The following XRCC1 variants were observed in gnomAD, a reference collection of about 807,000 sequenced individuals.
XRCC1 encodes the protein DNA repair protein XRCC1.
A neutral mutation model predicts 83.3 loss-of-function variants in XRCC1; 52 were observed. The observed-to-expected ratio is 0.62, with a 90% CI of 0.50 to 0.79. The LOEUF is 0.79. Among genes scored for constraint, XRCC1 ranks in the 30% least tolerant of loss-of-function variants. XRCC1 has a pLI of 0.00. For missense variants in XRCC1, 793 were observed against 823.5 expected (o/e 0.96, Z 0.45); for synonymous variants, 281 against 312.6 (o/e 0.90, Z 1.07).
chr19:43,548,312 G>A (rs1331145039), intron 10 of XRCC1, among the ~76,000 whole-genome samples: 1 of 152,174 alleles, frequency 6.6e-6, no homozygotes, highest in Non-Finnish European at 1.5e-5. Flanking sequence ...TGATGACGAT[G>A]GCGGTTTTGT....
Position 43,544,153 on chromosome 19 carries a change from G to C in XRCC1, c.1703C>G (p.Ala568Gly). ...GTCCCTGGAGACTCACCCATTGAAG[G>C]CTGTGACGTATCGGATGAGTTTCCG... The part of the protein sequence containing the change: ...ERRKLIRYVT[A>G]FNGELEDYMS... The change falls in exon 15 of 17, where the codon GCC (alanine) becomes GGC (glycine). Residue 568 changes from alanine (A) to glycine (G), a missense_variant. Coordinates refer to ENST00000262887, the MANE Select transcript of XRCC1 (RefSeq NM_006297.3). 2 of 1,608,262 alleles carry C rather than the reference G, an allele frequency of 1.2e-6. No homozygotes were observed. The highest frequency in any genetic ancestry group is 1.7e-6 in the Non-Finnish European group (2 of 1,177,398).
At chr19:43,548,212 C>CA (rs1568512158) in intron 10 of XRCC1, among the ~76,000 whole-genome samples, 3 of 152,092 alleles carry the variant, frequency 2.0e-5, no homozygotes, top group African/African-American at 7.2e-5. Context: ...CGCCTCTGCC[C>CA]GGCCGCCCCT....
intron 16 of XRCC1, 42 bp from the exon 17 acceptor site, chr19:43,543,547 G>C: frequency 1.7e-5 from 27 of 1,613,166 alleles, no homozygotes; most frequent in Non-Finnish European, 2.3e-5. Flanking sequence ...GTGTCATCGA[G>C]GGGAGGACGG....
At chr19:43,545,475 C>T (rs1019808415) in intron 14 of XRCC1, among the ~76,000 whole-genome samples, 1 of 152,234 alleles carries the variant, frequency 6.6e-6, no homozygotes, top group Non-Finnish European at 1.5e-5. Context: ...GGCTTCACCC[C>T]AGACCAACAG....
In XRCC1 at chr19:43,554,769, G is replaced by C. The variant is rs200376594; in HGVS notation, c.291C>G (p.Ser97=). The C allele has an allele frequency of 1.9e-6, 3 of 1,613,736 alleles. No individual in the cohort carries two copies. Among genetic ancestry groups the C allele is most frequent in the African/African-American group, 2.7e-5 (2 of 75,048 alleles). Residue 97 remains serine (S), a synonymous_variant, in exon 4 of 17, where the codon TCC becomes TCG. Coordinates refer to ENST00000262887, the MANE Select transcript of XRCC1 (RefSeq NM_006297.3). ...TGGGGTTTGAGCCACTGCGGCTCTC[G>C]GAAGGGGACATGAAAGATGAGGTGA... ...LLVTSSFMSP[S]ESRSGSNPNR...
intron 3 of XRCC1, among the ~76,000 whole-genome samples, chr19:43,558,919 T>G (rs1378743975): frequency 6.6e-6 from 1 of 150,970 alleles, no homozygotes; most frequent in African/African-American, 2.4e-5. Context: ...GGAGGATCAC[T>G]TTAAGCTCAG....
chr19:43,573,603 T>C (rs898866202), intron 2 of XRCC1, among the ~76,000 whole-genome samples: 8 of 152,046 alleles, frequency 5.3e-5, no homozygotes, highest in African/African-American at 1.9e-4. Context: ...CCAGGAACAA[T>C]GGTTCATGCC....
chr19:43,547,688 C>T (rs538409705), intron 10 of XRCC1, among the ~76,000 whole-genome samples: 2 of 151,956 alleles, frequency 1.3e-5, no homozygotes, highest in South Asian at 2.1e-4. Context: ...TAAGTACATA[C>T]GAGGTTTCAT....
In XRCC1 at chr19:43,552,850, G is replaced by A. The variant is rs886380545; in HGVS notation, c.770C>T (p.Thr257Ile). 46 of 1,613,568 alleles carry A rather than the reference G, an allele frequency of 2.9e-5. 1 individual carries two copies. The South Asian group carries it at 4.7e-4, about 17-fold the overall frequency. ...KLDLNQEEKK[T>I]PSKPPAQLSP... The stretch of plus-strand genomic sequence containing the variant: ...CAGCTGGGCTGGTGGTTTGCTGGGG[G>A]TCTTCTTTTCTTCTTGGTTCAAATC... Residue 257 changes from threonine (T) to isoleucine (I), a missense_variant, in exon 8 of 17, where the codon ACC becomes ATC. Coordinates refer to ENST00000262887, the MANE Select transcript of XRCC1 (RefSeq NM_006297.3).
chr19:43,550,502 C>T (rs929768310), intron 10 of XRCC1, among the ~76,000 whole-genome samples: 3 of 152,128 alleles, frequency 2.0e-5, no homozygotes, highest in Non-Finnish European at 4.4e-5. Flanking sequence ...GCCTCGCTAT[C>T]CCCCAAGGCA....
chr19:43,573,699 C>G lies in XRCC1; in HGVS notation c.144+1211G>C, dbSNP rs3213252. Among the ~76,000 whole-genome samples, 96 of 151,300 alleles carry G rather than the reference C, an allele frequency of 6.3e-4. No individual in the cohort carries two copies. In the East Asian group the frequency reaches 0.013, roughly 21 times the overall value. On this transcript the variant is annotated intron_variant, in intron 2 of 16. Coordinates refer to ENST00000262887, the MANE Select transcript of XRCC1 (RefSeq NM_006297.3). Reference sequence around the variant, plus strand: ...ACCAGCCTGGCAACATGGTGGAAACCCCATCTCTAAAAAAATACAAAAAAA... The same window carrying G: ...ACCAGCCTGGCAACATGGTGGAAACGCCATCTCTAAAAAAATACAAAAAAA...
intron 2 of XRCC1, among the ~76,000 whole-genome samples, chr19:43,563,147 A>G (rs1043720865): frequency 6.6e-6 from 1 of 152,160 alleles, no homozygotes; most frequent in African/African-American, 2.4e-5. Context: ...CGCCATTCCC[A>G]GCCCTGGGCC....
chr19:43,553,846 G>A, intron 4 of XRCC1, 163 bp from the exon 5 acceptor site: 1 of 592,224 alleles, frequency 1.7e-6, no homozygotes, highest in South Asian at 2.9e-5. Context: ...ATAGGATTAA[G>A]CTGTTATGAC....
At chr19:43,562,423 G>A (rs1025871472) in intron 2 of XRCC1, among the ~76,000 whole-genome samples, 2 of 149,414 alleles carry the variant, frequency 1.3e-5, no homozygotes, top group Non-Finnish European at 3.0e-5. Context: ...TTCCTCACAT[G>A]CAAAAAGGGA....
chr19:43,556,227 G>A (rs1972634404), intron 3 of XRCC1, among the ~76,000 whole-genome samples: 1 of 152,172 alleles, frequency 6.6e-6, no homozygotes, highest in Non-Finnish European at 1.5e-5. Flanking sequence ...GGTGGTGAAA[G>A]AGAACAAGAG....
intron 2 of XRCC1, among the ~76,000 whole-genome samples, chr19:43,568,759 AG>A: frequency 6.6e-6 from 1 of 151,578 alleles, no homozygotes; most frequent in African/African-American, 2.4e-5. Context: ...GGAGTTGGGG[AG>A]GGAGCAGGAG....
At chr19:43,564,372 G>T (rs1469659173) in intron 2 of XRCC1, among the ~76,000 whole-genome samples, 3 of 152,078 alleles carry the variant, frequency 2.0e-5, no homozygotes, top group Non-Finnish European at 4.4e-5. Flanking sequence ...GCTTGCCTGG[G>T]TGTCCCATCT....
chr19:43,551,977 G>C, intron 9 of XRCC1, 40 bp downstream of exon 9: 2 of 1,605,198 alleles, frequency 1.2e-6, no homozygotes, highest in Middle Eastern at 1.7e-4. Context: ...GGAGCTGGGG[G>C]AGAAACTGCA....
At chr19:43,558,133 A>C (rs1972657839) in intron 3 of XRCC1, among the ~76,000 whole-genome samples, 1 of 152,178 alleles carries the variant, frequency 6.6e-6, no homozygotes, top group Non-Finnish European at 1.5e-5. Context: ...GCCATCTGTG[A>C]AAAAAGATAG....
Sources: allele counts gnomAD v4.1 joint callset (sites outside exome capture counted in the v4.1 genomes callset), GRCh38; gene constraint gnomAD v4.1.1; transcripts MANE v1.5; gene names NCBI Gene and HGNC (gene_info 2026-07-23, HGNC 2026-07-21).